CFAP77: variants seen among roughly 807,000 people sequenced by gnomAD.
The protein encoded by CFAP77 is cilia- and flagella-associated protein 77.
CFAP77 carries 25 observed loss-of-function variants against 31.1 expected under a neutral mutation model. That is an observed-to-expected ratio of 0.80 (90% CI 0.59 to 1.12). The LOEUF (loss-of-function observed/expected upper bound fraction) is 1.12. Ranked by LOEUF, CFAP77 falls within the 50% of genes most tolerant of loss-of-function variation. The probability of loss-of-function intolerance (pLI) is 0.00; values close to 1 mark genes in which losing one functional copy is unlikely to be tolerated. For missense variants in CFAP77, 377 were observed against 397.3 expected, an observed-to-expected ratio of 0.95 and a Z score of 0.44; for synonymous variants, 151 against 159.9, an observed-to-expected ratio of 0.94 and a Z score of 0.42.
intron 3 of CFAP77, among the ~76,000 whole-genome samples, chr9:132,523,158 G>A (rs1283298741): frequency 6.7e-6 from 1 of 149,418 alleles, no homozygotes; most frequent in Non-Finnish European, 1.5e-5. Flanking sequence ...CATGATCTCT[G>A]TTCACTGTAA....
intron 1 of CFAP77, chr9:132,482,360 A>G (rs752495716): frequency 6.2e-7 from 1 of 1,613,874 alleles, no homozygotes; most frequent in Non-Finnish European, 8.5e-7. Flanking sequence ...ATGACTCCTC[A>G]GCGGTGCAGA....
intron 1 of CFAP77, among the ~76,000 whole-genome samples, chr9:132,437,806 C>T (rs544628347): frequency 1.4e-4 from 21 of 151,148 alleles, no homozygotes; most frequent in South Asian, 6.3e-4. Flanking sequence ...CCACCGCGCC[C>T]GGCCCACTTT....
chr9:132,517,509 G>A lies in CFAP77; in HGVS notation c.524+17909G>A, dbSNP rs1024113435. Among the ~76,000 whole-genome samples the A allele has an allele frequency of 2.6e-5, 4 of 152,168 alleles. No homozygotes were observed. Among genetic ancestry groups the A allele is most frequent in the Non-Finnish European group, 5.9e-5 (4 of 68,024 alleles). On this transcript the variant is annotated intron_variant, in intron 3 of 5. Coordinates refer to ENST00000393216, the MANE Select transcript of CFAP77 (RefSeq NM_001282957.2). This position sits in a 1 kb window ranked among gnomAD's most constrained non-coding sequence, Gnocchi z 4.7. ...CCAATTATTTTAGCCTGCTGTGAAC[G>A]GAGAGCCGTACTAAAATCCAGTTTG... is the stretch of plus-strand genomic sequence containing the variant.
intron 5 of CFAP77, among the ~76,000 whole-genome samples, chr9:132,544,001 G>A (rs1482840494): frequency 1.3e-5 from 2 of 152,214 alleles, no homozygotes; most frequent in African/African-American, 2.4e-5. Context: ...CAAGGCAGTC[G>A]CCTGGCCCCG....
chr9:132,484,228 G>C (rs897832486), intron 1 of CFAP77, among the ~76,000 whole-genome samples: 1 of 152,082 alleles, frequency 6.6e-6, no homozygotes, highest in Non-Finnish European at 1.5e-5. Context: ...GTGAGCCACT[G>C]CACCTGGCCT....
chr9:132,477,321 G>A (rs1380390133), intron 1 of CFAP77, among the ~76,000 whole-genome samples: 1 of 152,316 alleles, frequency 6.6e-6, no homozygotes, highest in South Asian at 2.1e-4. Context: ...AAGATGCATT[G>A]AGCACCTACT....
chr9:132,469,838 A>AT (rs763910119), intron 1 of CFAP77, among the ~76,000 whole-genome samples: 9,586 of 128,804 alleles, frequency 0.074, 373 homozygotes, highest in South Asian at 0.1. Flanking sequence ...TTGCTCCGTG[A>AT]TTTTTTTTTT....
chr9:132,519,500 A>ATGGATGGATGGGTGGG, intron 3 of CFAP77, among the ~76,000 whole-genome samples: 2 of 712 alleles, frequency 2.8e-3, no homozygotes, highest in African/African-American at 5.1e-3. Context: ...GGGTGGATGC[A>ATGGATGGATGGGTGGG]TGGATGGGTG....
chr9:132,444,649 A>G (rs1457309121), intron 1 of CFAP77, among the ~76,000 whole-genome samples: 2 of 152,222 alleles, frequency 1.3e-5, no homozygotes, highest in Non-Finnish European at 2.9e-5. Flanking sequence ...GTTTGGATCC[A>G]TAGCGAGGGT....
intron 3 of CFAP77, among the ~76,000 whole-genome samples, chr9:132,514,912 G>A (rs1459112576): frequency 6.6e-6 from 1 of 152,184 alleles, no homozygotes; most frequent in Admixed American, 6.5e-5. Context: ...ATGAGGGGAT[G>A]AGGGTGGGCC....
intron 3 of CFAP77, among the ~76,000 whole-genome samples, chr9:132,521,612 C>T (rs1035549738): frequency 3.3e-5 from 5 of 151,748 alleles, no homozygotes; most frequent in South Asian, 2.1e-4. Flanking sequence ...GTCCGCCAGG[C>T]GAAGGAGAGG....
At chr9:132,549,808 C>T (rs1381956163) in intron 5 of CFAP77, among the ~76,000 whole-genome samples, 1 of 151,394 alleles carries the variant, frequency 6.6e-6, no homozygotes, top group African/African-American at 2.4e-5. Context: ...CACTACACTC[C>T]AGCCTGGGTG....
intron 1 of CFAP77, chr9:132,482,336 C>T (rs1247906578): frequency 6.2e-7 from 1 of 1,613,840 alleles, no homozygotes; most frequent in Non-Finnish European, 8.5e-7. Flanking sequence ...CGGTGGGAAC[C>T]TCTTATTCTG....
rs1394503617 is a variant in CFAP77, at chr9:132,525,658, G to C, written c.525-11943G>C. 2.0e-5 allele frequency among the ~76,000 whole-genome samples: 3 copies of C among 152,154 alleles called. No homozygotes were observed. The East Asian group carries it at 5.8e-4, about 29-fold the overall frequency. ...TGTGTGTGTGATGTATTTAGTTCTT[G>C]CAGTTTTATCACATGTGTAGATTTG... On this transcript the variant is annotated intron_variant, in intron 3 of 5. Transcript: ENST00000393216.
intron 5 of CFAP77, among the ~76,000 whole-genome samples, chr9:132,570,504 T>C (rs968191651): frequency 3.3e-5 from 5 of 152,314 alleles, no homozygotes; most frequent in East Asian, 1.9e-4. Context: ...CTCTGAGAAA[T>C]GCTGCCATGG....
rs1160532501 is a variant in CFAP77, at chr9:132,539,930, T to C, written c.630+2224T>C. On this transcript the variant is annotated intron_variant, in intron 4 of 5. Coordinates refer to ENST00000393216, the MANE Select transcript of CFAP77 (RefSeq NM_001282957.2). The surrounding 1 kb of genome is among the most constrained non-coding windows in gnomAD (Gnocchi z 4.3). ...TTTTTTTGCTGTTTGTTTATTTTTG[T>C]TTTTGTTTGTTTGTTTTTGAGACGG... is the stretch of plus-strand genomic sequence containing the variant. Among the ~76,000 whole-genome samples, 1 of 151,498 alleles carries C rather than the reference T, an allele frequency of 6.6e-6. No individual in the cohort carries two copies. Among genetic ancestry groups the C allele is most frequent in the Admixed American group, 6.6e-5 (1 of 15,212 alleles).
Position 132,482,464 on chromosome 9 carries a change from G to A in CFAP77, c.196-16231G>A, listed in dbSNP as rs767039536. On this transcript the variant is annotated intron_variant, in intron 1 of 5. Transcript: ENST00000393216. ...ATAATGTCACCCTGGAGAAAAAGGG[G>A]AAAAGAGGGGCCCCTCCCGGCTTCC... 31 of 1,525,124 alleles carry A rather than the reference G, an allele frequency of 2.0e-5. 1 individual carries two copies. In the South Asian group the frequency reaches 3.5e-4, roughly 17 times the overall value. 94.5% of individuals were successfully genotyped at this position (1,525,124 alleles called of 1,614,324 possible). A position where few individuals can be genotyped will look rare whatever the true frequency, so the allele number is the denominator to read the frequency against.
rs577468876 is a variant in CFAP77 at position 132,552,591 on chromosome 9, C to T, written c.732+9544C>T. On this transcript the variant is annotated intron_variant, in intron 5 of 5. Transcript: ENST00000393216. This position sits in a 1 kb window ranked among gnomAD's most constrained non-coding sequence, Gnocchi z 5.5. Reference sequence around the variant, plus strand: ...TGCTCCTGTAATCCCAGCTACCCGGCAGGCTGAGGCAGGAGAATTGCTTGA... The same window carrying T: ...TGCTCCTGTAATCCCAGCTACCCGGTAGGCTGAGGCAGGAGAATTGCTTGA... Among the ~76,000 whole-genome samples the T allele has an allele frequency of 4.0e-5, 6 of 151,436 alleles. No homozygotes were observed. In the South Asian group the frequency reaches 6.3e-4, roughly 16 times the overall value.
At chr9:132,465,886 G>A (rs946335624) in intron 1 of CFAP77, among the ~76,000 whole-genome samples, 11 of 152,132 alleles carry the variant, frequency 7.2e-5, no homozygotes, top group Non-Finnish European at 1.5e-4. Context: ...AAAACTTACC[G>A]GAGGCAAGTG....
Sources: allele counts gnomAD v4.1 joint callset (sites outside exome capture counted in the v4.1 genomes callset), GRCh38; gene constraint gnomAD v4.1.1; non-coding constraint Gnocchi (gnomAD v3.1); transcripts MANE v1.5; gene names NCBI Gene and HGNC (gene_info 2026-07-23, HGNC 2026-07-21).